The following CDH18 variants were observed in gnomAD, a reference collection of about 807,000 sequenced individuals.
The protein encoded by CDH18 is cadherin 18, also known as cadherin-18.
Under a neutral mutation model 67.9 loss-of-function variants are expected in CDH18, and 31 were observed. That is an observed-to-expected ratio of 0.46 (90% confidence interval 0.34 to 0.62). The LOEUF is 0.62. Ranked by LOEUF, CDH18 falls within the 20% of genes least tolerant of loss-of-function variation. CDH18 has a pLI of 0.01. For missense variants in CDH18, 890 were observed against 975.5 expected (o/e 0.91, Z 1.17); for synonymous variants, 362 against 347.2 (o/e 1.04, Z -0.48).
intron 1 of CDH18, among the ~76,000 whole-genome samples, chr5:20,569,446 C>T (rs1758688088): frequency 6.6e-6 from 1 of 152,006 alleles, no homozygotes; most frequent in Admixed American, 6.6e-5. Context: ...TATGGGGAAA[C>T]CCCATCTCTA....
At chr5:19,664,307 T>C (rs999501365) in intron 5 of CDH18, among the ~76,000 whole-genome samples, 2 of 151,858 alleles carry the variant, frequency 1.3e-5, no homozygotes, top group Non-Finnish European at 2.9e-5. Context: ...AAACTCAAGA[T>C]AAATTTCTAG....
intron 1 of CDH18, among the ~76,000 whole-genome samples, chr5:20,335,469 C>T (rs775657465): frequency 2.0e-5 from 3 of 151,944 alleles, no homozygotes; most frequent in African/African-American, 7.3e-5. Flanking sequence ...TCTTGAACTC[C>T]CAGCCTCAAG....
At chr5:19,935,557 T>G (rs1401917345) in intron 2 of CDH18, among the ~76,000 whole-genome samples, 3 of 151,336 alleles carry the variant, frequency 2.0e-5, no homozygotes, top group Non-Finnish European at 4.4e-5. Context: ...CAATACGTTA[T>G]AGCCTAGGTG....
intron 2 of CDH18, among the ~76,000 whole-genome samples, chr5:19,888,433 T>C (rs1410609894): frequency 6.6e-6 from 1 of 152,072 alleles, no homozygotes; most frequent in Non-Finnish European, 1.5e-5. Context: ...ATATCTTTCA[T>C]TAGATTTATT....
At chr5:19,641,073 A>G (rs768738907) in intron 5 of CDH18, among the ~76,000 whole-genome samples, 68 of 151,836 alleles carry the variant, frequency 4.5e-4, no homozygotes, top group Non-Finnish European at 9.0e-4. Flanking sequence ...ATAGGCCAGC[A>G]AACTGGATAA....
chr5:20,250,051 T>C (rs1743713243), intron 2 of CDH18, among the ~76,000 whole-genome samples: 1 of 152,182 alleles, frequency 6.6e-6, no homozygotes, highest in Non-Finnish European at 1.5e-5. Context: ...TTGAACGCTC[T>C]TGATATTTAA....
At chr5:19,513,640 G>A (rs1006857307) in intron 10 of CDH18, among the ~76,000 whole-genome samples, 1 of 151,916 alleles carries the variant, frequency 6.6e-6, no homozygotes, top group African/African-American at 2.4e-5. Flanking sequence ...TAAGAATAAT[G>A]CTTAGGCTTT....
chr5:20,312,494 A>G (rs943740187), intron 1 of CDH18, among the ~76,000 whole-genome samples: 3 of 152,166 alleles, frequency 2.0e-5, no homozygotes, highest in African/African-American at 7.2e-5. Flanking sequence ...TGGATGAAGA[A>G]ATGATGATTT....
At chr5:20,168,616 A>G (rs1736473145) in intron 2 of CDH18, among the ~76,000 whole-genome samples, 1 of 152,162 alleles carries the variant, frequency 6.6e-6, no homozygotes, top group Non-Finnish European at 1.5e-5. Context: ...CTATATAAAA[A>G]TAGAATGACA....
rs1407590121 is a variant in CDH18 at position 19,473,576 on chromosome 5, C to CTG, written c.2021_2022dup (p.Ala675GlnfsTer3). On this transcript the variant is annotated frameshift_variant, in exon 13 of 13. Transcript: ENST00000382275. LOFTEE classifies it high-confidence loss of function. The stretch of plus-strand genomic sequence containing the variant: ...TCAGCAGCAGAAGGATTCCTCAAGG[C>CTG]TGTGATGTCAAAGGCCTCTGTGTCT... 6.2e-7 allele frequency: 1 copy of CTG among 1,613,840 alleles called. No individual in the cohort carries two copies. Among genetic ancestry groups the CTG allele is most frequent in the Non-Finnish European group, 8.5e-7 (1 of 1,179,866 alleles).
rs571154379 is a variant in CDH18 at position 19,962,599 on chromosome 5, C to T, written c.-257+18461G>A. Among the ~76,000 whole-genome samples the T allele has an allele frequency of 2.6e-3, 391 of 151,614 alleles. 3 individuals carry two copies. The highest frequency in any genetic ancestry group is 8.8e-3 in the African/African-American group (363 of 41,320). On this transcript the variant is annotated intron_variant, in intron 2 of 12. Transcript: ENST00000382275. The stretch of plus-strand genomic sequence containing the variant: ...AACCAGCTTGGCCAACATGGTGAAA[C>T]CCTGTCTCTACTAAAAATACAAAAA...
At chr5:20,334,432 C>T (rs181038964) in intron 1 of CDH18, among the ~76,000 whole-genome samples, 6 of 152,014 alleles carry the variant, frequency 3.9e-5, no homozygotes, top group East Asian at 1.9e-4. Context: ...CCACCGCGCC[C>T]GGCCTGACTT....
At chr5:20,382,799 A>G (rs905802242) in intron 1 of CDH18, among the ~76,000 whole-genome samples, 3 of 152,178 alleles carry the variant, frequency 2.0e-5, no homozygotes, top group Non-Finnish European at 4.4e-5. Flanking sequence ...GTGCATAACT[A>G]TACTGTAGGC....
intron 3 of CDH18, among the ~76,000 whole-genome samples, chr5:19,752,354 A>G (rs1770961145): frequency 6.6e-6 from 1 of 152,094 alleles, no homozygotes; most frequent in Non-Finnish European, 1.5e-5. Flanking sequence ...GGTAGGAGTG[A>G]GACCAGCCCT....
chr5:20,185,510 T>C (rs769345159), intron 2 of CDH18, among the ~76,000 whole-genome samples: 2 of 152,082 alleles, frequency 1.3e-5, no homozygotes, highest in African/African-American at 2.4e-5. Flanking sequence ...TCTTAGTTCT[T>C]TGACTTTATC....
chr5:20,542,149 T>TAGAGAGAAC (rs1757084978), intron 1 of CDH18, among the ~76,000 whole-genome samples: 1 of 152,164 alleles, frequency 6.6e-6, no homozygotes, highest in African/African-American at 2.4e-5. Context: ...TTTCACCATG[T>TAGAGAGAAC]TCACCATCAG....
intron 2 of CDH18, among the ~76,000 whole-genome samples, chr5:20,253,660 A>G (rs1333944858): frequency 1.3e-5 from 2 of 152,222 alleles, no homozygotes; most frequent in Non-Finnish European, 1.5e-5. Context: ...TCAGAGCTTG[A>G]AGACTGGTTT....
intron 2 of CDH18, among the ~76,000 whole-genome samples, chr5:19,980,089 GATAAT>G (rs1460638098): frequency 6.6e-6 from 1 of 152,062 alleles, no homozygotes; most frequent in Non-Finnish European, 1.5e-5. Context: ...TCCTAGAACT[GATAAT>G]ATAATTCAGA....
chr5:19,819,911 G>A (rs1381976989), intron 3 of CDH18, among the ~76,000 whole-genome samples: 2 of 152,102 alleles, frequency 1.3e-5, no homozygotes, highest in South Asian at 2.1e-4. Context: ...ATAAGAGGAG[G>A]CACACAGCAC....
Sources: allele counts gnomAD v4.1 joint callset (sites outside exome capture counted in the v4.1 genomes callset), GRCh38; gene constraint gnomAD v4.1.1; transcripts MANE v1.5; gene names NCBI Gene and HGNC (gene_info 2026-07-23, HGNC 2026-07-21).